PHF10: variants seen among roughly 807,000 people sequenced by gnomAD.
PHF10 encodes BRG1-associated factor 45a.
Under a neutral mutation model 68.5 loss-of-function variants are expected in PHF10, and 51 were observed. The observed-to-expected ratio is 0.74, with a 90% CI of 0.59 to 0.94. The LOEUF (loss-of-function observed/expected upper bound fraction) is 0.94, where lower values mean the gene tolerates loss of function less well. PHF10 is among the 40% of genes least tolerant of loss of function. PHF10 has a pLI of 0.00. For missense variants in PHF10, 460 were observed against 602.6 expected (o/e 0.76, Z 2.48); for synonymous variants, 204 against 203.5 (o/e 1.00, Z -0.02).
intron 1 of PHF10, among the ~76,000 whole-genome samples, chr6:169,721,518 C>G (rs549666802): frequency 4.9e-4 from 75 of 152,250 alleles, no homozygotes; most frequent in African/African-American, 1.7e-3. Context: ...ATTTATGTCC[C>G]TGTGAAAAGG....
At chr6:169,719,850 A>C (rs1244542676) in intron 2 of PHF10, among the ~76,000 whole-genome samples, 1 of 152,126 alleles carries the variant, frequency 6.6e-6, no homozygotes, top group African/African-American at 2.4e-5. Flanking sequence ...CAAAATTAAA[A>C]ATTTTGTACA....
chr6:169,719,971 A>G (rs569142893), intron 2 of PHF10, among the ~76,000 whole-genome samples: 3 of 145,130 alleles, frequency 2.1e-5, no homozygotes, highest in African/African-American at 7.9e-5. Context: ...AAGCTCCTAC[A>G]ACAAAAAAAA....
At chr6:169,704,989 G>T in intron 11 of PHF10, 144 bp downstream of exon 11, 1 of 528,300 alleles carries the variant, frequency 1.9e-6, no homozygotes, top group South Asian at 4.3e-5. Context: ...TGGTGGACAT[G>T]ACCTGTATAA....
At chr6:169,721,368 T>C (rs1424339188) in intron 1 of PHF10, among the ~76,000 whole-genome samples, 1 of 152,176 alleles carries the variant, frequency 6.6e-6, no homozygotes, top group African/African-American at 2.4e-5. Context: ...TTCATAAACA[T>C]ATCAAACTGC....
chr6:169,715,965 T>C lies in PHF10; in HGVS notation c.533A>G (p.Lys178Arg), dbSNP rs1189384837. 6.2e-7 allele frequency: 1 copy of C among 1,607,444 alleles called. No individual in the cohort carries two copies. The highest frequency in any genetic ancestry group is 1.7e-5 in the Admixed American group (1 of 58,220). ...KERQRITDHY[K>R]EYSQMQQQNT... ...ACCTCAATTACTTACGGAATACTCT[T>C]TATAATGGTCTGTAATTCGTTGACG... Residue 178 changes from lysine (K) to arginine (R), a missense_variant, in exon 5 of 12, where the codon AAA becomes AGA. Physicochemically the swap from Lys to Arg is conservative, Grantham distance 26. This residue lies in a region of PHF10 where 256 missense variants were observed against 410.5 expected (regional missense o/e 0.62). Transcript: ENST00000339209.
chr6:169,704,296 AG>A (rs1316545821), intron 11 of PHF10: 21 of 510,396 alleles, frequency 4.1e-5, no homozygotes, highest in Non-Finnish European at 6.9e-5. Context: ...TTGCAAGTCA[AG>A]GGGGATGGGA....
chr6:169,719,625 A>C (rs1245483753), intron 2 of PHF10, among the ~76,000 whole-genome samples: 1 of 152,188 alleles, frequency 6.6e-6, no homozygotes, highest in Non-Finnish European at 1.5e-5. Context: ...GGTGCTGGGA[A>C]ACTGGGTATC....
At chr6:169,711,881 C>T (rs1218838337) in intron 8 of PHF10, among the ~76,000 whole-genome samples, 1 of 152,132 alleles carries the variant, frequency 6.6e-6, no homozygotes, top group Admixed American at 6.5e-5. Flanking sequence ...TTTTATTCTC[C>T]TTCAGGTGCA....
intron 6 of PHF10, 147 bp from the exon 7 acceptor site, chr6:169,714,989 G>A (rs991120129): frequency 1.1e-4 from 71 of 624,218 alleles, no homozygotes; most frequent in Middle Eastern, 1.0e-3. Flanking sequence ...TAACCTAAGA[G>A]GACAGTTGGT....
At chr6:169,718,289 C>T (rs557906418) in intron 3 of PHF10, among the ~76,000 whole-genome samples, 7 of 152,226 alleles carry the variant, frequency 4.6e-5, no homozygotes, top group African/African-American at 1.7e-4. Context: ...AGGAAATTCA[C>T]CTTTCCCATT....
chr6:169,704,062 G>C lies in PHF10; in HGVS notation c.1438C>G (p.Arg480Gly). Residue 480 changes from arginine to glycine, a missense_variant, in exon 12 of 12, where the codon CGG becomes GGG. Around this residue, in one of 3 missense-constraint regions of PHF10, gnomAD observed 111 missense variants for 109.7 expected, o/e 1.01. Coordinates refer to ENST00000339209, the MANE Select transcript of PHF10 (RefSeq NM_018288.4). Reference protein sequence around the residue: ...SGRWICDCCQRAPPTPRKVGR... With the variant: ...SGRWICDCCQGAPPTPRKVGR... ...ACTTTCCTGGGTGTTGGGGGGGCCC[G>C]CTGACAACAGTCACAAATCCAGCGA... The C allele has an allele frequency of 2.5e-6, 4 of 1,580,426 alleles. No individual in the cohort carries two copies. The highest frequency in any genetic ancestry group is 3.4e-6 in the Non-Finnish European group (4 of 1,170,512).
At position 169,723,906 on chromosome 6, in the gene PHF10, G is replaced by A. The variant is rs954755915; in HGVS notation, c.26C>T (p.Ala9Val). ...GTCGCACGGCCGCGGGGACAGCGCA[G>A]CCCCGGGCCCGGCCGCCGCCGCCAT... MAAAAGPG[A>V]ALSPRPCDSD... The change falls in exon 1 of 12, where the codon GCT becomes GTT. Residue 9 changes from alanine (A) to valine (V), a missense_variant. Ala to Val is a moderately conservative substitution (Grantham distance 64). Around this residue, in one of 3 missense-constraint regions of PHF10, gnomAD observed 93 missense variants for 82.4 expected, o/e 1.13. Transcript: ENST00000339209. 6 of 1,063,010 alleles carry A rather than the reference G, an allele frequency of 5.6e-6. No homozygotes were observed. The highest frequency in any genetic ancestry group is 1.1e-4 in the Admixed American group (2 of 18,618). 65.8% of individuals were successfully genotyped at this position (1,063,010 alleles called of 1,614,324 possible). A position where few individuals can be genotyped will look rare whatever the true frequency, so the allele number is the denominator to read the frequency against.
In PHF10 at chr6:169,703,981, A is replaced by G. The variant is rs760546613; in HGVS notation, c.*22T>C. On this transcript the variant is annotated 3_prime_UTR_variant, in exon 12 of 12. Transcript: ENST00000339209. ...AAATATTCCACTTAAATGCATATAC[A>G]GTATTAGAGTCAAAAACTATTTTAT... 8 of 1,530,256 alleles carry G rather than the reference A, an allele frequency of 5.2e-6. No homozygotes were observed. In the South Asian group the frequency reaches 9.9e-5, roughly 19 times the overall value. The allele number at this position is 1,530,256 out of a possible 1,614,324, so 94.8% of individuals were successfully genotyped here.
intron 11 of PHF10, 135 bp downstream of exon 11, chr6:169,704,998 A>C: frequency 3.5e-6 from 2 of 570,350 alleles, no homozygotes; most frequent in Non-Finnish European, 3.0e-6. Context: ...TGACCTGTAT[A>C]ATCACAGCTT....
chr6:169,717,847 T>C lies in PHF10; in HGVS notation c.385A>G (p.Ile129Val). 1 of 1,550,322 alleles carries C rather than the reference T, an allele frequency of 6.5e-7. No homozygotes were observed. Among genetic ancestry groups the C allele is most frequent in the Non-Finnish European group, 8.9e-7 (1 of 1,127,994 alleles). The change falls in exon 4 of 12, where the codon ATT (isoleucine) becomes GTT (valine). Residue 129 changes from isoleucine (I) to valine (V), a missense_variant. This residue lies in a region of PHF10 where 256 missense variants were observed against 410.5 expected (regional missense o/e 0.62). Transcript: ENST00000339209. ...EKLYLRELNVITETQCTLGLT... is the reference protein window; with the variant it reads ...EKLYLRELNVVTETQCTLGLT... ...CCTAGAGTGCACTGAGTTTCAGTAA[T>C]GACATTTAGCTCTCTCAGGTAGAGT...
At chr6:169,718,167 C>G (rs182924166) in intron 3 of PHF10, among the ~76,000 whole-genome samples, 15 of 152,232 alleles carry the variant, frequency 9.9e-5, no homozygotes, top group Non-Finnish European at 2.9e-5. Flanking sequence ...TGAGGAATAG[C>G]CTTTCTCAAA....
intron 11 of PHF10, chr6:169,704,536 C>T (rs575899123): frequency 1.1e-5 from 2 of 174,298 alleles, no homozygotes; most frequent in South Asian, 4.0e-4. Context: ...ATAACTTGTA[C>T]TACATACTTG....
At chr6:169,719,240 C>T in intron 2 of PHF10, 1 of 196,564 alleles carries the variant, frequency 5.1e-6, no homozygotes, top group Admixed American at 5.7e-5. Context: ...TCAGCTCTGA[C>T]TTCTTTCTCT....
intron 8 of PHF10, 71 bp downstream of exon 8, chr6:169,712,315 T>C: frequency 2.4e-6 from 3 of 1,272,644 alleles, no homozygotes; most frequent in African/African-American, 1.5e-5. Flanking sequence ...GAGAGGGTGA[T>C]GACAGAAATT....
Sources: gnomAD v4.1 joint callset for allele counts (sites outside exome capture counted in the v4.1 genomes callset) on GRCh38, gnomAD v4.1.1 for gene constraint, gnomAD v4.1.1 regional missense constraint, MANE v1.5 for transcripts, NCBI Gene and HGNC (gene_info 2026-07-23, HGNC 2026-07-21) for gene names.